Variants in ICE1 observed in about 807,000 individuals in gnomAD.
ICE1 encodes interactor of little elongation complex ELL subunit 1, also known as little elongation complex subunit 1.
A neutral mutation model predicts 192.7 loss-of-function variants in ICE1; 64 were observed. That is an observed-to-expected ratio of 0.33 (90% confidence interval 0.27 to 0.41). The LOEUF is 0.41. Among genes scored for constraint, ICE1 ranks in the 10% least tolerant of loss-of-function variants. The pLI, the probability that ICE1 is intolerant of heterozygous loss-of-function variation, is 1.00. For missense variants in ICE1, 2,708 were observed against 2,696.0 expected, an observed-to-expected ratio of 1.00 and a Z score of -0.10; for synonymous variants, 1,010 against 984.5, an observed-to-expected ratio of 1.03 and a Z score of -0.49.
chr5:5,482,807 C>T (rs1739542324), intron 17 of ICE1, among the ~76,000 whole-genome samples: 1 of 149,004 alleles, frequency 6.7e-6, no homozygotes, highest in African/African-American at 2.6e-5. Context: ...CACACACACA[C>T]ACACTCATCT....
intron 10 of ICE1, among the ~76,000 whole-genome samples, chr5:5,453,843 A>G (rs1738499190): frequency 6.6e-6 from 1 of 152,150 alleles, no homozygotes; most frequent in Non-Finnish European, 1.5e-5. Flanking sequence ...TGGCCTTTCA[A>G]TTTGAATTAC....
intron 4 of ICE1, 51 bp from the exon 5 acceptor site, chr5:5,441,061 A>G: frequency 1.8e-6 from 2 of 1,119,812 alleles, no homozygotes; most frequent in East Asian, 2.6e-5. Context: ...CATATATTTA[A>G]TACTTCGTTA....
At chr5:5,438,113 C>T (rs1737925975) in intron 3 of ICE1, among the ~76,000 whole-genome samples, 2 of 152,218 alleles carry the variant, frequency 1.3e-5, no homozygotes, top group Admixed American at 6.5e-5. Flanking sequence ...ATAATCATGG[C>T]AGAAGGGGAA....
At chr5:5,436,939 A>T in intron 2 of ICE1, 141 bp from the exon 3 acceptor site, 1 of 631,732 alleles carries the variant, frequency 1.6e-6, no homozygotes, top group Non-Finnish European at 2.8e-6. Context: ...ATTTAAGGTG[A>T]TATAGTCATT....
intron 17 of ICE1, among the ~76,000 whole-genome samples, chr5:5,480,041 A>G (rs992194575): frequency 6.6e-6 from 1 of 152,118 alleles, no homozygotes; most frequent in African/African-American, 2.4e-5. Context: ...GCACATGTAT[A>G]CCTATGTAAC....
intron 1 of ICE1, 129 bp downstream of exon 1, chr5:5,423,128 T>C (rs1259758572): frequency 4.4e-6 from 2 of 458,692 alleles, no homozygotes; most frequent in Non-Finnish European, 7.0e-6. Flanking sequence ...ACCGTAGCTC[T>C]TGCTCGCTCG....
rs768916515 is a variant in ICE1, at chr5:5,422,705, G to T, written c.-211G>T. 1.9e-4 allele frequency: 66 copies of T among 349,248 alleles called. No homozygotes were observed. Among genetic ancestry groups the T allele is most frequent in the South Asian group, 1.3e-3 (9 of 6,740 alleles). 21.6% of individuals were successfully genotyped at this position (349,248 alleles called of 1,614,324 possible). Reference sequence around the variant, plus strand: ...CTGCGTCGCGCTCGGGGGCCGCGCCGGGTAGCGTTTCTTTTTAGTGCCTGA... The same window carrying T: ...CTGCGTCGCGCTCGGGGGCCGCGCCTGGTAGCGTTTCTTTTTAGTGCCTGA... On this transcript the variant is annotated 5_prime_UTR_variant, in exon 1 of 19. Transcript: ENST00000296564.
At chr5:5,424,457 A>T (rs1002938936) in intron 1 of ICE1, among the ~76,000 whole-genome samples, 2 of 150,620 alleles carry the variant, frequency 1.3e-5, no homozygotes, top group African/African-American at 4.9e-5. Context: ...TATTCGAGCC[A>T]ATTCACTCAA....
In ICE1 at chr5:5,489,614, CT is replaced by C; in HGVS notation, c.*291del. 5.8e-5 allele frequency: 14 copies of C among 241,730 alleles called. No individual in the cohort carries two copies. The highest frequency in any genetic ancestry group is 9.4e-5 in the Non-Finnish European group (12 of 127,980). The allele number at this position is 241,730 out of a possible 1,614,324, so 15.0% of individuals were successfully genotyped here. ...AAACAACAAAAACTTGAACTTAGCC[CT>C]TTTTTTGCTGCAGAAAGTGTCCTTT... On this transcript the variant is annotated 3_prime_UTR_variant, in exon 19 of 19. Transcript: ENST00000296564.
In ICE1 at chr5:5,462,384, A is replaced by G. The variant is rs1738820748; in HGVS notation, c.3050A>G (p.Glu1017Gly). The G allele has an allele frequency of 6.2e-7, 1 of 1,614,016 alleles. No homozygotes were observed. The change falls in exon 13 of 19, where the codon GAA (glutamate) becomes GGA (glycine). Residue 1017 changes from glutamate to glycine, a missense_variant. Glu to Gly is a moderately conservative substitution (Grantham distance 98, BLOSUM62 -2). Coordinates refer to ENST00000296564, the MANE Select transcript of ICE1 (RefSeq NM_015325.3). ...ACTGTGTCAGGAGGGTTTTCTGTTG[A>G]AGAAACCAGCTGTGGAGACACAGGG... is the stretch of plus-strand genomic sequence containing the variant. ...EVTVSGGFSV[E>G]ETSCGDTGRS... is the part of the protein sequence containing the mutation.
chr5:5,457,167 C>G (rs537669013), intron 11 of ICE1, among the ~76,000 whole-genome samples, 165 bp from the exon 12 acceptor site: 1 of 152,162 alleles, frequency 6.6e-6, no homozygotes, highest in South Asian at 2.1e-4. Flanking sequence ...TATTGATTTT[C>G]TAGGATAATG....
chr5:5,477,203 G>T (rs938207726), intron 17 of ICE1, among the ~76,000 whole-genome samples: 5 of 152,072 alleles, frequency 3.3e-5, no homozygotes, highest in Non-Finnish European at 7.4e-5. Flanking sequence ...GAATCCAGGA[G>T]CTGGGTTTTT....
Position 5,475,986 on chromosome 5 carries a change from C to A in ICE1, c.6427C>A (p.Pro2143Thr). 1 of 1,605,276 alleles carries A rather than the reference C, an allele frequency of 6.2e-7. No individual in the cohort carries two copies. The highest frequency in any genetic ancestry group is 1.1e-5 in the South Asian group (1 of 90,444). Residue 2143 changes from proline (P) to threonine (T), a missense_variant, in exon 17 of 19, where the codon CCT becomes ACT. Around this residue, in one of 2 missense-constraint regions of ICE1, gnomAD observed 342 missense variants for 419.3 expected, o/e 0.82. Transcript: ENST00000296564. ...HDNIISKELW[P>T]VMDKWIKYRK... ...GTTTTTTTATAGTAAGGAGCTGTGG[C>A]CTGTGATGGATAAATGGATAAAATA...
intron 17 of ICE1, among the ~76,000 whole-genome samples, chr5:5,480,351 G>A (rs1245645526): frequency 4.0e-5 from 6 of 149,932 alleles, no homozygotes; most frequent in South Asian, 2.1e-4. Flanking sequence ...CCGGGTTTGC[G>A]CCATTCTCCT....
At chr5:5,487,104 CTG>C (rs1319277491) in intron 18 of ICE1, among the ~76,000 whole-genome samples, 1 of 152,212 alleles carries the variant, frequency 6.6e-6, no homozygotes, top group Non-Finnish European at 1.5e-5. Context: ...CTCTAAAACT[CTG>C]TACTGTGTGA....
At position 5,484,670 on chromosome 5, in the gene ICE1, A is replaced by G. The variant is rs534132943; in HGVS notation, c.6521-2051A>G. 6.0e-4 allele frequency among the ~76,000 whole-genome samples: 92 copies of G among 152,328 alleles called. 1 individual carries two copies. The highest frequency in any genetic ancestry group is 2.1e-3 in the African/African-American group (89 of 41,580). ...TACTGAGCATCTGCTGTGTATCTCA[A>G]TATTCAGGCTGCACGTACCTAGCAC... On this transcript the variant is annotated intron_variant, in intron 17 of 18. Transcript: ENST00000296564.
chr5:5,458,398 A>G (rs1738649388), intron 12 of ICE1, among the ~76,000 whole-genome samples: 1 of 152,058 alleles, frequency 6.6e-6, no homozygotes, highest in South Asian at 2.1e-4. Context: ...CATTGTGTGG[A>G]GGTGGGAGCA....
In ICE1 at chr5:5,473,576, G is replaced by A; in HGVS notation, c.6241G>A (p.Gly2081Ser). Residue 2081 changes from glycine to serine, a missense_variant, in exon 16 of 19, where the codon GGC becomes AGC. Around this residue, in one of 2 missense-constraint regions of ICE1, gnomAD observed 342 missense variants for 419.3 expected, o/e 0.82. Coordinates refer to ENST00000296564, the MANE Select transcript of ICE1 (RefSeq NM_015325.3). ...TTGCTAGAATGCCCCGGTAGATGTT[G>A]GCTTCATGGTTTCTAAGCTGCTTTT... ...NWEKNAPVDVGFMVSKLLLTI... is the reference protein window; with the variant it reads ...NWEKNAPVDVSFMVSKLLLTI... 6.2e-7 allele frequency: 1 copy of A among 1,610,130 alleles called. No individual in the cohort carries two copies. Among genetic ancestry groups the A allele is most frequent in the African/African-American group, 1.3e-5 (1 of 74,814 alleles).
intron 11 of ICE1, among the ~76,000 whole-genome samples, chr5:5,455,584 T>G (rs1335813751): frequency 6.6e-6 from 1 of 152,260 alleles, no homozygotes; most frequent in Non-Finnish European, 1.5e-5. Flanking sequence ...ATCTAATGTT[T>G]GTATTTAAAA....
Sources: allele counts gnomAD v4.1 joint callset (sites outside exome capture counted in the v4.1 genomes callset), GRCh38; gene constraint gnomAD v4.1.1; regional missense constraint gnomAD v4.1.1; transcripts MANE v1.5; gene names NCBI Gene and HGNC (gene_info 2026-07-23, HGNC 2026-07-21).